RAB33B: variants seen among roughly 807,000 people sequenced by gnomAD.
RAB33B encodes ras-related protein Rab-33B.
In RAB33B, 6 loss-of-function variants were observed where a neutral mutation model predicts 15.0. The observed-to-expected ratio is 0.40, with a 90% CI of 0.22 to 0.79. The LOEUF (loss-of-function observed/expected upper bound fraction) is 0.79, where lower values mean the gene tolerates loss of function less well. Among genes scored for constraint, RAB33B ranks in the 30% least tolerant of loss-of-function variants. RAB33B has a pLI of 0.37. For synonymous variants in RAB33B, 117 were observed against 108.3 expected (o/e 1.08, Z -0.50); for missense variants, 257 against 296.4 (o/e 0.87, Z 0.98).
intron 1 of RAB33B, among the ~76,000 whole-genome samples, chr4:139,457,956 C>CT (rs1440597858): frequency 1.3e-5 from 2 of 152,136 alleles, no homozygotes; most frequent in Admixed American, 6.5e-5. Context: ...AGTTCAAGTC[C>CT]TTTTTTTAAC....
chr4:139,456,460 G>A (rs943890041), intron 1 of RAB33B, among the ~76,000 whole-genome samples: 2 of 152,240 alleles, frequency 1.3e-5, no homozygotes, highest in Non-Finnish European at 2.9e-5. Flanking sequence ...TATAAAGCAT[G>A]TGCAGTGTAT....
chr4:139,472,582 T>G, intron 1 of RAB33B, 104 bp from the exon 2 acceptor site: 1 of 867,094 alleles, frequency 1.2e-6, no homozygotes, highest in African/African-American at 1.7e-5. Context: ...AATCAAAATA[T>G]TTTAAGTGAA....
At chr4:139,441,918 A>G in the RAB33B span, among the ~76,000 whole-genome samples, 4 of 152,078 alleles carry the variant, frequency 2.6e-5, no homozygotes, top group African/African-American at 7.2e-5. Flanking sequence ...CATTCATTCT[A>G]TATTGATTAA....
intron 1 of RAB33B, among the ~76,000 whole-genome samples, chr4:139,464,393 T>G (rs13143713): frequency 3.1e-4 from 33 of 106,272 alleles, no homozygotes; most frequent in Admixed American, 6.4e-4. Flanking sequence ...ACTGTTTTTT[T>G]TTTTTTTTTT....
At chr4:139,461,923 AT>A (rs2111075810) in intron 1 of RAB33B, among the ~76,000 whole-genome samples, 1 of 152,072 alleles carries the variant, frequency 6.6e-6, no homozygotes, top group African/African-American at 2.4e-5. Context: ...AAAATTTCAT[AT>A]ATACGTATAA....
intron 1 of RAB33B, among the ~76,000 whole-genome samples, chr4:139,454,707 G>A (rs1337768629): frequency 6.6e-6 from 1 of 152,200 alleles, no homozygotes; most frequent in Non-Finnish European, 1.5e-5. Context: ...GATGATGCAG[G>A]TGCAGCTAGT....
At chr4:139,443,980 G>T in the RAB33B span, among the ~76,000 whole-genome samples, 2 of 152,172 alleles carry the variant, frequency 1.3e-5, no homozygotes, top group East Asian at 3.9e-4. Context: ...TAAAGTCCCG[G>T]CAGGCCCCTA....
intron 1 of RAB33B, among the ~76,000 whole-genome samples, chr4:139,468,520 T>G (rs1750332839): frequency 6.6e-6 from 1 of 152,264 alleles, no homozygotes; most frequent in Non-Finnish European, 1.5e-5. Context: ...GATTATGTCT[T>G]GAAAAGTCAT....
At chr4:139,466,550 G>T (rs1750289154) in intron 1 of RAB33B, among the ~76,000 whole-genome samples, 1 of 151,584 alleles carries the variant, frequency 6.6e-6, no homozygotes, top group Non-Finnish European at 1.5e-5. Context: ...AAATGCTAAA[G>T]ATAGAATTTC....
intron 1 of RAB33B, among the ~76,000 whole-genome samples, chr4:139,466,805 C>T (rs1465188540): frequency 6.6e-6 from 1 of 151,842 alleles, no homozygotes; most frequent in Non-Finnish European, 1.5e-5. Flanking sequence ...GTCTTGAACT[C>T]CTGAGCTCAG....
chr4:139,449,881 T>C (rs912469059), upstream of RAB33B: 1 of 152,172 alleles, frequency 6.6e-6, no homozygotes, highest in Non-Finnish European at 1.5e-5. Flanking sequence ...ATATCAAATA[T>C]TGGCAAGTCT....
intron 1 of RAB33B, among the ~76,000 whole-genome samples, chr4:139,459,130 CAAA>C (rs70943419): frequency 5.8e-5 from 7 of 120,218 alleles, no homozygotes; most frequent in Admixed American, 8.0e-5. Context: ...AATCCCATCT[CAAA>C]AAAAAAAAAA....
intron 1 of RAB33B, among the ~76,000 whole-genome samples, chr4:139,460,341 G>A (rs1256884503): frequency 6.6e-6 from 1 of 152,190 alleles, no homozygotes; most frequent in Non-Finnish European, 1.5e-5. Context: ...TGAAGTTGAA[G>A]TTTGGAAGCA....
At chr4:139,441,308 T>C in the RAB33B span, among the ~76,000 whole-genome samples, 3 of 152,304 alleles carry the variant, frequency 2.0e-5, no homozygotes, top group East Asian at 3.9e-4. Flanking sequence ...TTCCACTCTT[T>C]AATGAGGGGA....
chr4:139,457,081 T>C (rs1185241530), intron 1 of RAB33B, among the ~76,000 whole-genome samples: 2 of 152,212 alleles, frequency 1.3e-5, no homozygotes, highest in Non-Finnish European at 2.9e-5. Context: ...AAATGAGATA[T>C]TGCGTTAAAT....
At chr4:139,454,018 C>A (rs889743970), upstream of RAB33B, 4 of 661,844 alleles carry the variant, frequency 6.0e-6, no homozygotes, top group Non-Finnish European at 9.4e-6. Flanking sequence ...GGTGCCACAC[C>A]TGTGCGGGCA....
chr4:139,469,386 A>G (rs1375803594), intron 1 of RAB33B, among the ~76,000 whole-genome samples: 1 of 152,112 alleles, frequency 6.6e-6, no homozygotes, highest in East Asian at 1.9e-4. Context: ...TGTTGAATTT[A>G]TCTGGTAGTA....
chr4:139,457,786 C>T (rs1750097130), intron 1 of RAB33B, among the ~76,000 whole-genome samples: 1 of 152,132 alleles, frequency 6.6e-6, no homozygotes, highest in African/African-American at 2.4e-5. Context: ...GGGAAAATAT[C>T]AAGATTTCAT....
chr4:139,439,434 AAG>A, the RAB33B span, among the ~76,000 whole-genome samples: 2 of 152,368 alleles, frequency 1.3e-5, no homozygotes, highest in East Asian at 3.9e-4. Flanking sequence ...TTTGTATGCG[AAG>A]AGTCATTTCT....
Sources: gnomAD v4.1 joint callset for allele counts (sites outside exome capture counted in the v4.1 genomes callset) on GRCh38, gnomAD v4.1.1 for gene constraint, MANE v1.5 for transcripts, NCBI Gene and HGNC (gene_info 2026-07-23, HGNC 2026-07-21) for gene names.